The following INTS9 variants were observed in gnomAD, a reference collection of about 807,000 sequenced individuals.
INTS9 encodes integrator complex subunit 9, also known as protein related to CPSF subunits of 74 kDa.
A neutral mutation model predicts 79.7 loss-of-function variants in INTS9; 55 were observed. That is an observed-to-expected ratio of 0.69 (90% CI 0.56 to 0.86). The LOEUF (loss-of-function observed/expected upper bound fraction) is 0.86. Among genes scored for constraint, INTS9 ranks in the 40% least tolerant of loss-of-function variants. The pLI is 0.00. For synonymous variants in INTS9, 319 were observed against 325.2 expected (o/e 0.98, Z 0.20); for missense variants, 721 against 831.5 (o/e 0.87, Z 1.64).
intron 1 of INTS9, among the ~76,000 whole-genome samples, chr8:28,883,664 C>A (rs964581157): frequency 6.6e-6 from 1 of 152,166 alleles, no homozygotes; most frequent in African/African-American, 2.4e-5. Context: ...TCAGGACATT[C>A]AATGTAATAC....
At chr8:28,868,798 T>C (rs1182032753) in intron 1 of INTS9, among the ~76,000 whole-genome samples, 1 of 152,228 alleles carries the variant, frequency 6.6e-6, no homozygotes, top group East Asian at 1.9e-4. Context: ...TGTGACATTG[T>C]GCTCTTTATA....
At chr8:28,786,457 A>G (rs2130921398) in intron 11 of INTS9, among the ~76,000 whole-genome samples, 1 of 152,074 alleles carries the variant, frequency 6.6e-6, no homozygotes, top group East Asian at 1.9e-4. Flanking sequence ...CACCGGGCTA[A>G]TTTTTTGTAT....
At chr8:28,849,219 C>A (rs1807692573) in intron 3 of INTS9, among the ~76,000 whole-genome samples, 1 of 152,074 alleles carries the variant, frequency 6.6e-6, no homozygotes, top group Non-Finnish European at 1.5e-5. Flanking sequence ...AAGAATTGGC[C>A]TGAGGGGGCT....
At chr8:28,771,465 C>T (rs1188965849) in intron 14 of INTS9, among the ~76,000 whole-genome samples, 1 of 152,144 alleles carries the variant, frequency 6.6e-6, no homozygotes, top group Non-Finnish European at 1.5e-5. Flanking sequence ...TGCAGCCTGA[C>T]CTTATTAGGT....
chr8:28,780,341 C>T lies in INTS9; in HGVS notation c.1270+482G>A, dbSNP rs116479237. ...GACCTAGCATTCAAAGGGCTGGGCA[C>T]GCTACACTGATAAAATGATACAGTC... On this transcript the variant is annotated intron_variant, in intron 12 of 16. Coordinates refer to ENST00000521022, the MANE Select transcript of INTS9 (RefSeq NM_018250.4). 1,902 of 980,710 alleles carry T rather than the reference C, an allele frequency of 1.9e-3. 30 individuals carry two copies. The African/African-American group carries it at 0.032, about 17-fold the overall frequency. The allele number at this position is 980,710 out of a possible 1,614,324, so 60.8% of individuals were successfully genotyped here. A position where few individuals can be genotyped will look rare whatever the true frequency, so the allele number is the denominator to read the frequency against.
chr8:28,844,070 T>C (rs1802167637), intron 4 of INTS9, among the ~76,000 whole-genome samples: 1 of 152,180 alleles, frequency 6.6e-6, no homozygotes, highest in African/African-American at 2.4e-5. Flanking sequence ...CACATGGTGT[T>C]TTAAGCGGAT....
chr8:28,878,477 TAA>T (rs34619082), intron 1 of INTS9, among the ~76,000 whole-genome samples: 11 of 136,644 alleles, frequency 8.1e-5, no homozygotes, highest in East Asian at 2.1e-4. Flanking sequence ...CACATCCAGC[TAA>T]AAAAAAAAAA....
rs576722333 is a variant in INTS9 at position 28,824,791 on chromosome 8, G to C, written c.488+10501C>G. On this transcript the variant is annotated intron_variant, in intron 6 of 16. Transcript: ENST00000521022. ...GGAAAAAAGAGAATTTACAACCAGA[G>C]AAGTCTAGGTTTACATCTGGGAGTT... Among the ~76,000 whole-genome samples, 5 of 152,330 alleles carry C rather than the reference G, an allele frequency of 3.3e-5. No homozygotes were observed. In the East Asian group the frequency reaches 9.7e-4, roughly 29 times the overall value.
Position 28,777,840 on chromosome 8 carries a change from T to G in INTS9, c.1384A>C (p.Lys462Gln). The G allele has an allele frequency of 6.2e-7, 1 of 1,607,626 alleles. No individual in the cohort carries two copies. The highest frequency in any genetic ancestry group is 1.3e-5 in the African/African-American group (1 of 74,566). ...GTGTCCTTCATTACCTGCACTTCTT[T>G]AAGCAGCTTTGACACCTGGATGAAG... ...LNFIQVSKLL[K>Q]EVQPLHVVCP... The change falls in exon 13 of 17, where the codon AAA (lysine) becomes CAA (glutamine). Residue 462 changes from lysine to glutamine, a missense_variant. Physicochemically the swap from Lys to Gln is moderately conservative, Grantham distance 53. This residue lies in a region of INTS9 where 281 missense variants were observed against 300.8 expected (regional missense o/e 0.93). Coordinates refer to ENST00000521022, the MANE Select transcript of INTS9 (RefSeq NM_018250.4).
At chr8:28,804,677 C>G (rs564856767) in intron 8 of INTS9, among the ~76,000 whole-genome samples, 1 of 152,210 alleles carries the variant, frequency 6.6e-6, no homozygotes, top group African/African-American at 2.4e-5. Context: ...AACAAGAACA[C>G]CAAGGAAGGC....
chr8:28,844,866 T>C (rs2131227975), intron 4 of INTS9, among the ~76,000 whole-genome samples: 1 of 152,338 alleles, frequency 6.6e-6, no homozygotes, highest in African/African-American at 2.4e-5. Flanking sequence ...TTTATGGTGG[T>C]AAATGAGAAA....
intron 4 of INTS9, among the ~76,000 whole-genome samples, chr8:28,837,990 G>A (rs1441645517): frequency 1.3e-5 from 2 of 152,058 alleles, no homozygotes; most frequent in Non-Finnish European, 2.9e-5. Flanking sequence ...AACACAGCCA[G>A]CCCAGAGGCA....
chr8:28,832,310 T>C (rs956665632), intron 6 of INTS9, among the ~76,000 whole-genome samples: 11 of 152,176 alleles, frequency 7.2e-5, no homozygotes, highest in Admixed American at 3.3e-4. Context: ...GCCATTCACA[T>C]ACACACCAAA....
intron 5 of INTS9, among the ~76,000 whole-genome samples, chr8:28,836,772 C>A (rs1327620050): frequency 6.6e-6 from 1 of 152,112 alleles, no homozygotes; most frequent in Non-Finnish European, 1.5e-5. Flanking sequence ...CCTATGAGAG[C>A]CCTTCCTCAG....
rs762187675 is a variant in INTS9 at position 28,812,388 on chromosome 8, T to C, written c.683A>G (p.Gln228Arg). 1 of 1,614,028 alleles carries C rather than the reference T, an allele frequency of 6.2e-7. No homozygotes were observed. The stretch of plus-strand genomic sequence containing the variant: ...ATAAGACACTTTCTCGTAATGAGAC[T>C]GGATGATCCAGTTGGAGCTCCCAAG... The part of the protein sequence containing the change: ...YALGSSNWII[Q>R]SHYEKVSYVS... The change falls in exon 8 of 17, where the codon CAG becomes CGG. Residue 228 changes from glutamine (Q) to arginine (R), a missense_variant. Gln to Arg is a conservative substitution (Grantham distance 43, BLOSUM62 1). This residue lies in a region of INTS9 where 291 missense variants were observed against 307.0 expected (regional missense o/e 0.95). Transcript: ENST00000521022.
At chr8:28,845,513 C>T (rs555890244) in intron 4 of INTS9, among the ~76,000 whole-genome samples, 3 of 152,274 alleles carry the variant, frequency 2.0e-5, no homozygotes, top group African/African-American at 4.8e-5. Context: ...AATTTAAAAG[C>T]TGAGTACCCT....
chr8:28,797,167 G>A (rs975389819), intron 8 of INTS9, among the ~76,000 whole-genome samples: 9 of 152,290 alleles, frequency 5.9e-5, no homozygotes, highest in African/African-American at 2.2e-4. Flanking sequence ...ATCTTCCCAG[G>A]AGATGCTGCC....
chr8:28,769,366 C>A (rs1319455631), intron 16 of INTS9, among the ~76,000 whole-genome samples: 1 of 152,186 alleles, frequency 6.6e-6, no homozygotes, highest in Non-Finnish European at 1.5e-5. Context: ...TGACTGAAGC[C>A]AAAATTACAA....
intron 8 of INTS9, among the ~76,000 whole-genome samples, chr8:28,802,289 G>A (rs1030798478): frequency 1.6e-4 from 25 of 152,186 alleles, no homozygotes; most frequent in African/African-American, 4.8e-4. Flanking sequence ...GTGCATAAAT[G>A]TTTTATTACT....
Sources: gnomAD v4.1 joint callset for allele counts (sites outside exome capture counted in the v4.1 genomes callset) on GRCh38, gnomAD v4.1.1 for gene constraint, gnomAD v4.1.1 regional missense constraint, MANE v1.5 for transcripts, NCBI Gene and HGNC (gene_info 2026-07-23, HGNC 2026-07-21) for gene names.